The following BPIFA2 variants were observed in gnomAD, a reference collection of about 807,000 sequenced individuals.
BPIFA2 encodes the protein BPI fold containing family A member 2.
In BPIFA2, 20 loss-of-function variants were observed where a neutral mutation model predicts 25.7. The ratio of observed to expected loss-of-function variants is 0.78; its 90% confidence interval spans 0.55 to 1.13. The LOEUF (loss-of-function observed/expected upper bound fraction) is 1.13. Ranked by LOEUF, BPIFA2 falls within the 50% of genes most tolerant of loss-of-function variation. BPIFA2 has a pLI of 0.00. For missense variants in BPIFA2, 300 were observed against 298.1 expected, an observed-to-expected ratio of 1.01 and a Z score of -0.05; for synonymous variants, 126 against 124.3, an observed-to-expected ratio of 1.01 and a Z score of -0.09.
Position 33,169,268 on chromosome 20 carries a change from C to G in BPIFA2, c.123C>G (p.His41Gln). ...TGGATAAGCTGGAACCTGTTCTTCA[C>G]GAGGGACTTGAGACAGTTGACAATA... ...NVVDKLEPVLHEGLETVDNTL... is the reference protein window; with the variant it reads ...NVVDKLEPVLQEGLETVDNTL... The change falls in exon 2 of 9, where the codon CAC (histidine) becomes CAG (glutamine). Residue 41 changes from histidine (H) to glutamine (Q), a missense_variant. Coordinates refer to ENST00000354932, the MANE Select transcript of BPIFA2 (RefSeq NM_080574.4). 1 of 1,614,058 alleles carries G rather than the reference C, an allele frequency of 6.2e-7. No individual in the cohort carries two copies. The highest frequency in any genetic ancestry group is 2.2e-5 in the East Asian group (1 of 44,890).
At chr20:33,178,107 C>T in intron 5 of BPIFA2, 40 bp from the exon 6 acceptor site, 3 of 1,499,812 alleles carry the variant, frequency 2.0e-6, no homozygotes, top group East Asian at 2.3e-5. Flanking sequence ...CCATCTCTTG[C>T]CCACTTGACC....
At chr20:33,177,160 G>T (rs1984107201) in intron 5 of BPIFA2, among the ~76,000 whole-genome samples, 1 of 152,130 alleles carries the variant, frequency 6.6e-6, no homozygotes, top group Non-Finnish European at 1.5e-5. Flanking sequence ...TTCAAGACCA[G>T]CTTGGCCAAC....
chr20:33,179,576 C>T, intron 6 of BPIFA2, 28 bp from the exon 7 acceptor site: 1 of 1,577,300 alleles, frequency 6.3e-7, no homozygotes, highest in Non-Finnish European at 8.7e-7. Context: ...ACTCCTGACC[C>T]TCCTCTTCCT....
intron 2 of BPIFA2, among the ~76,000 whole-genome samples, chr20:33,170,555 G>A (rs908576482): frequency 1.3e-5 from 2 of 152,038 alleles, no homozygotes; most frequent in Admixed American, 6.6e-5. Flanking sequence ...CACCACACCT[G>A]GCTAAGTTTT....
At position 33,178,134 on chromosome 20, in the gene BPIFA2, C is replaced by T. The variant is rs1327515681; in HGVS notation, c.564-13C>T. 6.3e-7 allele frequency: 1 copy of T among 1,585,656 alleles called. No individual in the cohort carries two copies. The highest frequency in any genetic ancestry group is 2.3e-5 in the East Asian group (1 of 44,394). On this transcript the variant is annotated splice_polypyrimidine_tract_variant and intron_variant, in intron 5 of 8. Coordinates refer to ENST00000354932, the MANE Select transcript of BPIFA2 (RefSeq NM_080574.4). ...CACTTGACCAGACTTTAATAGTTCCCTGTGTTTTCCAGACACAGCCAAATC... is the reference window on the plus strand; with the variant it reads ...CACTTGACCAGACTTTAATAGTTCCTTGTGTTTTCCAGACACAGCCAAATC...
intron 3 of BPIFA2, 99 bp downstream of exon 3, chr20:33,173,175 C>T (rs2146453547): frequency 1.4e-6 from 2 of 1,417,578 alleles, no homozygotes; most frequent in Non-Finnish European, 1.9e-6. Flanking sequence ...GGACAAGCCT[C>T]ATTCCCCTCC....
chr20:33,173,176 A>C, intron 3 of BPIFA2, 100 bp downstream of exon 3: 1 of 1,416,976 alleles, frequency 7.1e-7, no homozygotes, highest in Non-Finnish European at 9.6e-7. Flanking sequence ...GACAAGCCTC[A>C]TTCCCCTCCC....
chr20:33,169,058 G>A (rs1048519044), intron 1 of BPIFA2, 73 bp from the exon 2 acceptor site: 5 of 1,277,470 alleles, frequency 3.9e-6, no homozygotes, highest in Non-Finnish European at 5.6e-6. Flanking sequence ...AATGTTAAGA[G>A]TGATGGGAAC....
chr20:33,178,729 C>A (rs1347141722), intron 6 of BPIFA2, among the ~76,000 whole-genome samples: 1 of 152,104 alleles, frequency 6.6e-6, no homozygotes. Context: ...GGAAGCAGAC[C>A]CAGGAATGTG....
Position 33,173,978 on chromosome 20 carries a change from G to T in BPIFA2, c.303-101G>T, listed in dbSNP as rs879084634. Reference sequence around the variant, plus strand: ...TATAGTGAAGACTAAAGAAGGCAAGGCTGACGAGACCCAAACGCTCAGCTC... The same window carrying T: ...TATAGTGAAGACTAAAGAAGGCAAGTCTGACGAGACCCAAACGCTCAGCTC... On this transcript the variant is annotated intron_variant, in intron 3 of 8. Coordinates refer to ENST00000354932, the MANE Select transcript of BPIFA2 (RefSeq NM_080574.4). 6.7e-6 allele frequency: 6 copies of T among 895,568 alleles called. No individual in the cohort carries two copies. The South Asian group carries it at 8.4e-5, about 13-fold the overall frequency. 55.5% of individuals were successfully genotyped at this position (895,568 alleles called of 1,614,324 possible). A position where few individuals can be genotyped will look rare whatever the true frequency, so the allele number is the denominator to read the frequency against.
In BPIFA2 at chr20:33,173,056, A is replaced by T. The variant is rs1412494293; in HGVS notation, c.282A>T (p.Pro94=). ...LLNNVISKLL[P]TNTDIFGLKI... ...ACAATGTCATTTCTAAGCTGCTTCC[A>T]ACTAACACGGACATTTTTGGGTGAG... is the stretch of plus-strand genomic sequence containing the variant. The change falls in exon 3 of 9, where the codon CCA becomes CCT. Residue 94 remains proline, a synonymous_variant. Coordinates refer to ENST00000354932, the MANE Select transcript of BPIFA2 (RefSeq NM_080574.4). The T allele has an allele frequency of 6.2e-7, 1 of 1,613,944 alleles. No individual in the cohort carries two copies. Among genetic ancestry groups the T allele is most frequent in the Non-Finnish European group, 8.5e-7 (1 of 1,179,960 alleles).
At chr20:33,173,400 T>C (rs1983968533) in intron 3 of BPIFA2, among the ~76,000 whole-genome samples, 1 of 152,202 alleles carries the variant, frequency 6.6e-6, no homozygotes, top group Non-Finnish European at 1.5e-5. Context: ...TTTCCATATA[T>C]AACTGGGGGT....
intron 7 of BPIFA2, 21 bp from the exon 8 acceptor site, chr20:33,180,493 GGCCTGC>G (rs770954716): frequency 1.6e-5 from 26 of 1,607,836 alleles, no homozygotes; most frequent in Non-Finnish European, 2.2e-5. Context: ...CAGAGACTAA[GGCCTGC>G]TATTGATTTT....
At chr20:33,163,839 G>T (rs547345004), upstream of BPIFA2, among the ~76,000 whole-genome samples, 1 of 152,154 alleles carries the variant, frequency 6.6e-6, no homozygotes, top group South Asian at 2.1e-4. Context: ...ACTGTGAGTA[G>T]CTCAGAGCAT....
intron 2 of BPIFA2, among the ~76,000 whole-genome samples, chr20:33,171,055 T>C (rs562418639): frequency 6.6e-6 from 1 of 152,322 alleles, no homozygotes; most frequent in Admixed American, 6.5e-5. Context: ...ACATGTGGTG[T>C]TATTTCTGAA....
chr20:33,165,705 A>G (rs1041240966), upstream of BPIFA2, among the ~76,000 whole-genome samples: 25 of 152,344 alleles, frequency 1.6e-4, no homozygotes, highest in African/African-American at 5.8e-4. Context: ...GTCTTGGCAC[A>G]GCTAATCTTT....
chr20:33,179,564 C>T lies in BPIFA2; in HGVS notation c.646-40C>T, dbSNP rs1432005548. ...TGAGAAGAATGATCTGTTCTTCCTC[C>T]TACTCCTGACCCTCCTCTTCCTCCT... On this transcript the variant is annotated intron_variant, in intron 6 of 8. Transcript: ENST00000354932. 9 of 1,532,088 alleles carry T rather than the reference C, an allele frequency of 5.9e-6. No homozygotes were observed. In the East Asian group the frequency reaches 1.3e-4, roughly 23 times the overall value. The allele number at this position is 1,532,088 out of a possible 1,614,324, so 94.9% of individuals were successfully genotyped here.
chr20:33,178,762 C>T (rs1009459594), intron 6 of BPIFA2, among the ~76,000 whole-genome samples: 1 of 152,122 alleles, frequency 6.6e-6, no homozygotes, highest in Admixed American at 6.5e-5. Context: ...AAAAATCCTC[C>T]GGATGGCTCT....
intron 1 of BPIFA2, among the ~76,000 whole-genome samples, chr20:33,162,132 C>T (rs1280212002): frequency 6.6e-6 from 1 of 152,164 alleles, no homozygotes; most frequent in Non-Finnish European, 1.5e-5. Flanking sequence ...AGGCACCTGC[C>T]ACCACACCCG....
Sources: allele counts gnomAD v4.1 joint callset (sites outside exome capture counted in the v4.1 genomes callset), GRCh38; gene constraint gnomAD v4.1.1; transcripts MANE v1.5; gene names NCBI Gene and HGNC (gene_info 2026-07-23, HGNC 2026-07-21).